RPL41: variants seen among roughly 807,000 people sequenced by gnomAD.
RPL41 encodes the protein small ribosomal subunit protein eS32.
A neutral mutation model predicts 7.3 loss-of-function variants in RPL41; 3 were observed. The ratio of observed to expected loss-of-function variants is 0.41; its 90% CI spans 0.19 to 1.06. The LOEUF is 1.06. Ranked by LOEUF, RPL41 falls within the 50% of genes least tolerant of loss-of-function variation. RPL41 has a pLI of 0.32. For synonymous variants in RPL41, 9 were observed against 7.4 expected, an observed-to-expected ratio of 1.21 and a Z score of -0.34; for missense variants, 13 against 30.4, an observed-to-expected ratio of 0.43 and a Z score of 1.35.
chr12:56,116,765 T>G lies in RPL41; in HGVS notation c.-23T>G, dbSNP rs778372037. The G allele has an allele frequency of 3.2e-5, 51 of 1,613,840 alleles. No individual in the cohort carries two copies. The highest frequency in any genetic ancestry group is 4.2e-5 in the Non-Finnish European group (49 of 1,179,830). On this transcript the variant is annotated 5_prime_UTR_variant, in exon 1 of 3. Coordinates refer to ENST00000546591, the MANE Select transcript of RPL41 (RefSeq NM_001035267.2). ...CAAACTAACTGTAGCCTTTCTCTCT[T>G]TCCCTGTAGAAACCTCTGCGCCATG...
Position 56,117,517 on chromosome 12 carries a change from C to G in RPL41, c.71C>G (p.Ser24Cys). Residue 24 changes from serine (S) to cysteine (C), a missense_variant, in exon 3 of 3, where the codon TCC (serine) becomes TGC (cysteine). By Grantham distance (112) the Ser-to-Cys change is moderately radical. Transcript: ENST00000546591. ...KRKRRKMRQR[S>C]K ...AAAAGAAGAAAGATGAGGCAGAGGT[C>G]CAAGTAAACCGCTAGCTTGTTGCAC... 2 of 1,552,294 alleles carry G rather than the reference C, an allele frequency of 1.3e-6. No homozygotes were observed. Among genetic ancestry groups the G allele is most frequent in the Non-Finnish European group, 1.7e-6 (2 of 1,147,260 alleles).
intron 2 of RPL41, 106 bp from the exon 3 acceptor site, chr12:56,117,376 C>A: frequency 7.0e-7 from 1 of 1,419,558 alleles, no homozygotes; most frequent in Non-Finnish European, 9.7e-7. Context: ...AACCGTAGTG[C>A]TTGTTCATTT....
rs1869657413 is a variant in RPL41 at position 56,117,579 on chromosome 12, A to G, written c.*55A>G. On this transcript the variant is annotated 3_prime_UTR_variant, in exon 3 of 3. Transcript: ENST00000546591. ...CAGGAGCAGAAACATGGAATGCCAG[A>G]CGCTGGGGATGCTGGTACAAGTTGT... 1.5e-6 allele frequency: 2 copies of G among 1,320,842 alleles called. No homozygotes were observed. The highest frequency in any genetic ancestry group is 2.1e-6 in the Non-Finnish European group (2 of 938,150). The allele number at this position is 1,320,842 out of a possible 1,614,324, so 81.8% of individuals were successfully genotyped here. A position where few individuals can be genotyped will look rare whatever the true frequency, so the allele number is the denominator to read the frequency against.
chr12:56,117,088 C>A, intron 1 of RPL41, 101 bp from the exon 2 acceptor site: 1 of 1,455,956 alleles, frequency 6.9e-7, no homozygotes, highest in East Asian at 2.5e-5. Flanking sequence ...CTGTCCGGTT[C>A]TAAAGAGTGC....
intron 1 of RPL41, 105 bp from the exon 2 acceptor site, chr12:56,117,084 G>A (rs1176892124): frequency 7.0e-7 from 1 of 1,437,556 alleles, no homozygotes; most frequent in Non-Finnish European, 9.3e-7. Context: ...GAATCTGTCC[G>A]GTTCTAAAGA....
chr12:56,116,846 A>T (rs774239301), intron 1 of RPL41, 47 bp downstream of exon 1: 6 of 1,612,266 alleles, frequency 3.7e-6, no homozygotes, highest in Non-Finnish European at 3.4e-6. Context: ...GTTGGCGAGT[A>T]GTAGCGAGGA....
chr12:56,117,415 G>T, intron 2 of RPL41, 67 bp from the exon 3 acceptor site: 1 of 1,507,154 alleles, frequency 6.6e-7, no homozygotes, highest in South Asian at 1.2e-5. Flanking sequence ...GTGGACGTTT[G>T]ATTTAATGTG....
chr12:56,117,343 T>C (rs1429068413), intron 2 of RPL41, 132 bp downstream of exon 2: 42 of 1,415,314 alleles, frequency 3.0e-5, no homozygotes, highest in Non-Finnish European at 4.1e-5. Flanking sequence ...GGAGCCAGGA[T>C]TTAACAGAAC....
In RPL41 at chr12:56,117,716, T is replaced by G. The variant is rs972584989; in HGVS notation, c.*192T>G. 5.4e-5 allele frequency: 33 copies of G among 606,290 alleles called. No individual in the cohort carries two copies. Among genetic ancestry groups the G allele is most frequent in the South Asian group, 7.4e-5 (4 of 53,956 alleles). The allele number at this position is 606,290 out of a possible 1,614,324, so 37.6% of individuals were successfully genotyped here. A position where few individuals can be genotyped will look rare whatever the true frequency, so the allele number is the denominator to read the frequency against. On this transcript the variant is annotated 3_prime_UTR_variant, in exon 3 of 3. Coordinates refer to ENST00000546591, the MANE Select transcript of RPL41 (RefSeq NM_001035267.2). ...TTGCTCATAAACAAAATGCCCATGTTGGTCCTCTGCCCTGGACCTGTGACA... is the reference window on the plus strand; with the variant it reads ...TTGCTCATAAACAAAATGCCCATGTGGGTCCTCTGCCCTGGACCTGTGACA...
In RPL41 at chr12:56,117,164, TCTGCTGC is replaced by T; in HGVS notation, c.13-24_13-18del. On this transcript the variant is annotated intron_variant, in intron 1 of 2. Coordinates refer to ENST00000546591, the MANE Select transcript of RPL41 (RefSeq NM_001035267.2). ...TTTTTTTTTTTTTTTTTTTTAATTA[TCTGCTGC>T]TTGTGATCGGTTGCTAGTGGAGGAA... is the stretch of plus-strand genomic sequence containing the variant. 1 of 1,557,794 alleles carries T rather than the reference TCTGCTGC, an allele frequency of 6.4e-7. No individual in the cohort carries two copies. The highest frequency in any genetic ancestry group is 8.7e-7 in the Non-Finnish European group (1 of 1,154,982).
intron 2 of RPL41, 76 bp downstream of exon 2, chr12:56,117,287 AT>A (rs1869643886): frequency 6.5e-7 from 1 of 1,535,382 alleles, no homozygotes; most frequent in Non-Finnish European, 8.8e-7. Context: ...TGGTTTGGAA[AT>A]CTTAAAAGAT....
chr12:56,117,776 T>A lies in RPL41; in HGVS notation c.*252T>A. 1.9e-6 allele frequency: 1 copy of A among 515,246 alleles called. No individual in the cohort carries two copies. Among genetic ancestry groups the A allele is most frequent in the Non-Finnish European group, 3.5e-6 (1 of 282,326 alleles). 31.9% of individuals were successfully genotyped at this position (515,246 alleles called of 1,614,324 possible). ...ATTTCTGTGTTTATTTGTGGCCGAG[T>A]GTAACAACCATATAATAAATCACCT... On this transcript the variant is annotated 3_prime_UTR_variant, in exon 3 of 3. Transcript: ENST00000546591.
At chr12:56,117,338 C>T in intron 2 of RPL41, 127 bp downstream of exon 2, 1 of 1,400,030 alleles carries the variant, frequency 7.1e-7, no homozygotes, top group South Asian at 1.3e-5. Context: ...TCCCTGGAGC[C>T]AGGATTTAAC....
chr12:56,117,451 G>C (rs1290301400), intron 2 of RPL41, 31 bp from the exon 3 acceptor site: 26 of 1,552,212 alleles, frequency 1.7e-5, no homozygotes, highest in Non-Finnish European at 2.2e-5. Flanking sequence ...TCTGGTTTGA[G>C]GTGTATTCCA....
intron 2 of RPL41, 108 bp from the exon 3 acceptor site, chr12:56,117,374 T>C (rs1377831814): frequency 7.1e-7 from 1 of 1,416,154 alleles, no homozygotes; most frequent in Non-Finnish European, 9.8e-7. Context: ...AGAACCGTAG[T>C]GCTTGTTCAT....
chr12:56,117,498 A>G lies in RPL41; in HGVS notation c.52A>G (p.Arg18Gly). 6.4e-7 allele frequency: 1 copy of G among 1,553,272 alleles called. No individual in the cohort carries two copies. Among genetic ancestry groups the G allele is most frequent in the Non-Finnish European group, 8.7e-7 (1 of 1,147,806 alleles). The change falls in exon 3 of 3, where the codon AGA becomes GGA. Residue 18 changes from arginine (R) to glycine (G), a missense_variant. By Grantham distance (125) the Arg-to-Gly change is moderately radical (BLOSUM62 -2). Transcript: ENST00000546591. ...GCTTTTCAGGCTGAAGCGCAAAAGA[A>G]GAAAGATGAGGCAGAGGTCCAAGTA... ...KRMRRLKRKR[R>G]KMRQRSK
intron 2 of RPL41, 101 bp downstream of exon 2, chr12:56,117,312 A>G: frequency 1.4e-6 from 2 of 1,481,348 alleles, no homozygotes; most frequent in Non-Finnish European, 1.8e-6. Context: ...TAGGAGAAAA[A>G]CGTTTGAGTG....
In RPL41 at chr12:56,116,650, A is replaced by AT; in HGVS notation, c.-131dup. 1.8e-6 allele frequency: 2 copies of AT among 1,089,502 alleles called. No homozygotes were observed. Among genetic ancestry groups the AT allele is most frequent in the Non-Finnish European group, 2.8e-6 (2 of 709,022 alleles). The allele number at this position is 1,089,502 out of a possible 1,614,324, so 67.5% of individuals were successfully genotyped here. ...TCGCCTTTCTCTCGGCCTTAGCGCC[A>AT]TTTTTTTGGGTGAGTGTTTTTTGGT... On this transcript the variant is annotated 5_prime_UTR_variant, in exon 1 of 3. Coordinates refer to ENST00000546591, the MANE Select transcript of RPL41 (RefSeq NM_001035267.2).
intron 1 of RPL41, 178 bp from the exon 2 acceptor site, chr12:56,117,011 T>C: frequency 9.2e-7 from 1 of 1,082,244 alleles, no homozygotes; most frequent in East Asian, 2.5e-5. Flanking sequence ...TGATCTTATG[T>C]TGGGAGGGTG....
Sources: gnomAD v4.1 joint callset for allele counts on GRCh38, gnomAD v4.1.1 for gene constraint, MANE v1.5 for transcripts, NCBI Gene and HGNC (gene_info 2026-07-23, HGNC 2026-07-21) for gene names.